CDKAL1: variants seen among roughly 807,000 people sequenced by gnomAD.
CDKAL1 encodes threonylcarbamoyladenosine tRNA methylthiotransferase.
A neutral mutation model predicts 68.2 loss-of-function variants in CDKAL1; 32 were observed. That is an observed-to-expected ratio of 0.47 (90% CI 0.35 to 0.63). CDKAL1 has a LOEUF of 0.63. Among genes scored for constraint, CDKAL1 ranks in the 30% least tolerant of loss-of-function variants. The pLI, the probability that CDKAL1 is intolerant of heterozygous loss-of-function variation, is 0.00. For missense variants in CDKAL1, 606 were observed against 696.7 expected (o/e 0.87, Z 1.47); for synonymous variants, 234 against 244.3 (o/e 0.96, Z 0.39).
At chr6:20,895,271 T>A (rs1761621799) in intron 9 of CDKAL1, among the ~76,000 whole-genome samples, 1 of 152,246 alleles carries the variant, frequency 6.6e-6, no homozygotes, top group Non-Finnish European at 1.5e-5. Flanking sequence ...GTAATGGATA[T>A]TTGGGTTGTT....
At chr6:21,194,189 A>C (rs747446167) in intron 13 of CDKAL1, among the ~76,000 whole-genome samples, 5 of 152,240 alleles carry the variant, frequency 3.3e-5, no homozygotes, top group Non-Finnish European at 7.3e-5. Context: ...ACACTGTTAC[A>C]TTGTCAATTA....
chr6:20,841,365 G>A (rs912118003), intron 8 of CDKAL1, among the ~76,000 whole-genome samples: 1 of 152,002 alleles, frequency 6.6e-6, no homozygotes, highest in African/African-American at 2.4e-5. Context: ...ACCAGTATGA[G>A]TGACTTTTTA....
chr6:20,886,321 C>G (rs1029821436), intron 9 of CDKAL1, among the ~76,000 whole-genome samples: 1 of 152,128 alleles, frequency 6.6e-6, no homozygotes. Flanking sequence ...CTGTGGAAAA[C>G]AATGTGACTG....
chr6:20,800,569 C>G (rs1776325423), intron 8 of CDKAL1: 3 of 152,178 alleles, frequency 2.0e-5, no homozygotes, highest in Admixed American at 2.0e-4. Flanking sequence ...TCATGCCCAG[C>G]TTTTAAAATT....
chr6:20,801,534 TC>T (rs1176530038), intron 8 of CDKAL1, among the ~76,000 whole-genome samples: 2 of 152,180 alleles, frequency 1.3e-5, no homozygotes, highest in Non-Finnish European at 2.9e-5. Flanking sequence ...ATTGCAGACA[TC>T]AGAACACTTC....
chr6:20,548,264 T>G (rs1235713761), intron 3 of CDKAL1, among the ~76,000 whole-genome samples: 1 of 152,206 alleles, frequency 6.6e-6, no homozygotes, highest in East Asian at 1.9e-4. Flanking sequence ...GGTGTAGTGG[T>G]GGCTCATGCC....
intron 5 of CDKAL1, among the ~76,000 whole-genome samples, chr6:20,649,727 C>G (rs1224263617): frequency 6.6e-6 from 1 of 152,086 alleles, no homozygotes; most frequent in Non-Finnish European, 1.5e-5. Context: ...CCTTCCCCCA[C>G]CCCCTAACAG....
chr6:20,791,496 A>G (rs1775897936), intron 8 of CDKAL1, among the ~76,000 whole-genome samples: 1 of 152,030 alleles, frequency 6.6e-6, no homozygotes, highest in African/African-American at 2.4e-5. Flanking sequence ...TCTGTACTGT[A>G]GTTGTTTAGT....
At chr6:20,975,819 G>T (rs1452302584) in intron 10 of CDKAL1, among the ~76,000 whole-genome samples, 1 of 152,018 alleles carries the variant, frequency 6.6e-6, no homozygotes, top group Non-Finnish European at 1.5e-5. Flanking sequence ...TTTTTGATTT[G>T]TTCCCTAAAG....
intron 15 of CDKAL1, among the ~76,000 whole-genome samples, chr6:21,207,192 C>T (rs1479335005): frequency 6.6e-6 from 1 of 151,524 alleles, no homozygotes; most frequent in African/African-American, 2.4e-5. Context: ...GGATTAGAGG[C>T]GTGAGGCACC....
intron 13 of CDKAL1, among the ~76,000 whole-genome samples, chr6:21,121,745 G>C (rs892848085): frequency 6.6e-6 from 1 of 152,202 alleles, no homozygotes; most frequent in Non-Finnish European, 1.5e-5. Context: ...TAGAATGTAA[G>C]TAGGGATTTT....
In CDKAL1 at chr6:21,140,288, G is replaced by C. The variant is rs957691643; in HGVS notation, c.1299+31825G>C. ...CTAGGCTAGTAGTTGACATTGAATA[G>C]TTTCTAAGTAAACTCTTGCCGACTG... On this transcript the variant is annotated intron_variant, in intron 13 of 15. Coordinates refer to ENST00000274695, the MANE Select transcript of CDKAL1 (RefSeq NM_017774.3). 3.9e-5 allele frequency among the ~76,000 whole-genome samples: 6 copies of C among 152,186 alleles called. No homozygotes were observed. The East Asian group carries it at 1.2e-3, about 29-fold the overall frequency.
chr6:21,190,144 C>A (rs1217241041), intron 13 of CDKAL1, among the ~76,000 whole-genome samples: 2 of 151,574 alleles, frequency 1.3e-5, no homozygotes, highest in Non-Finnish European at 2.9e-5. Context: ...AAAAAAAAAA[C>A]TAATTTGACT....
chr6:20,906,999 C>T (rs1040866489), intron 9 of CDKAL1, among the ~76,000 whole-genome samples: 3 of 152,074 alleles, frequency 2.0e-5, no homozygotes, highest in Non-Finnish European at 2.9e-5. Context: ...CACATTATAA[C>T]ACATACATGA....
intron 9 of CDKAL1, among the ~76,000 whole-genome samples, chr6:20,905,960 T>G (rs928192703): frequency 1.6e-4 from 24 of 152,162 alleles, no homozygotes; most frequent in Admixed American, 1.3e-4. Context: ...AAGAGAGTCC[T>G]GCAGATTGGC....
At chr6:20,900,717 C>T (rs1197020497) in intron 9 of CDKAL1, among the ~76,000 whole-genome samples, 1 of 152,156 alleles carries the variant, frequency 6.6e-6, no homozygotes, top group African/African-American at 2.4e-5. Flanking sequence ...TGCTAATGGA[C>T]TTCTTGGTAA....
intron 9 of CDKAL1, among the ~76,000 whole-genome samples, chr6:20,922,942 G>A (rs1033019639): frequency 6.6e-6 from 1 of 152,162 alleles, no homozygotes; most frequent in Non-Finnish European, 1.5e-5. Context: ...GTTTATTTAA[G>A]AATTAGTCAT....
At chr6:20,942,139 A>G (rs1763999783) in intron 9 of CDKAL1, among the ~76,000 whole-genome samples, 1 of 152,154 alleles carries the variant, frequency 6.6e-6, no homozygotes, top group Non-Finnish European at 1.5e-5. Flanking sequence ...GACTTTACCA[A>G]AATTACCACT....
At chr6:20,686,333 AC>A (rs1770621129) in intron 5 of CDKAL1, among the ~76,000 whole-genome samples, 1 of 152,030 alleles carries the variant, frequency 6.6e-6, no homozygotes, top group South Asian at 2.1e-4. Flanking sequence ...ATCTGTGTTT[AC>A]AGCTGCTCCC....
Sources: gnomAD v4.1 joint callset for allele counts (sites outside exome capture counted in the v4.1 genomes callset) on GRCh38, gnomAD v4.1.1 for gene constraint, MANE v1.5 for transcripts, NCBI Gene and HGNC (gene_info 2026-07-23, HGNC 2026-07-21) for gene names.